Variants in UBE2E1 observed in about 807,000 individuals in gnomAD.
UBE2E1 encodes ubiquitin conjugating enzyme E2 E1, also known as ubiquitin-conjugating enzyme E2 E1.
Under a neutral mutation model 21.4 loss-of-function variants are expected in UBE2E1, and 6 were observed. The observed-to-expected ratio is 0.28, with a 90% CI of 0.15 to 0.55. The LOEUF is 0.55. UBE2E1 is among the 20% of genes least tolerant of loss of function. The probability of loss-of-function intolerance (pLI) is 0.93; values close to 1 mark genes in which losing one functional copy is unlikely to be tolerated. For missense variants in UBE2E1, 142 were observed against 236.5 expected (o/e 0.60, Z 2.62); for synonymous variants, 87 against 82.7 (o/e 1.05, Z -0.28).
rs3214837 is a variant in UBE2E1 at position 23,807,432 on chromosome 3, C to CT, written c.152+21dup. ...CACCAGCGCCAAGAGGTACTGTGCT[C>CT]TTTTTTTTTTCCACAGGCTTCCTAT... On this transcript the variant is annotated intron_variant, in intron 2 of 5. Coordinates refer to ENST00000306627, the MANE Select transcript of UBE2E1 (RefSeq NM_003341.5). The CT allele has an allele frequency of 7.7e-3, 10,123 of 1,322,116 alleles. 12 individuals carry two copies. The highest frequency in any genetic ancestry group is 0.028 in the African/African-American group (1,875 of 66,682). The allele number at this position is 1,322,116 out of a possible 1,614,324, so 81.9% of individuals were successfully genotyped here.
rs1170090201 is a variant in UBE2E1, at chr3:23,806,601, A to T, written c.-34+513A>T. The stretch of plus-strand genomic sequence containing the variant: ...CCCGCCCGGCCGCATAGCTGTGAGC[A>T]GGGCGGCCAGAGGCAGGCAGGCCGG... On this transcript the variant is annotated intron_variant, in intron 1 of 5. Transcript: ENST00000306627. This position sits in a 1 kb window ranked among gnomAD's most constrained non-coding sequence, Gnocchi z 6.5. 1.3e-5 allele frequency among the ~76,000 whole-genome samples: 2 copies of T among 148,426 alleles called. No individual in the cohort carries two copies. Among genetic ancestry groups the T allele is most frequent in the Non-Finnish European group, 1.5e-5 (1 of 67,060 alleles).
rs897756304 is a variant in UBE2E1 at position 23,816,717 on chromosome 3, G to T, written c.203+5207G>T. On this transcript the variant is annotated intron_variant, in intron 3 of 5. Coordinates refer to ENST00000306627, the MANE Select transcript of UBE2E1 (RefSeq NM_003341.5). This position sits in a 1 kb window ranked among gnomAD's most constrained non-coding sequence, Gnocchi z 4.8. ...GCGAGGCTCCATCTCAAAAAAAAAG[G>T]TTATACTAAGTGAAATAAACTAGAA... is the stretch of plus-strand genomic sequence containing the variant. 4.6e-5 allele frequency among the ~76,000 whole-genome samples: 7 copies of T among 151,994 alleles called. No homozygotes were observed. Among genetic ancestry groups the T allele is most frequent in the African/African-American group, 1.7e-4 (7 of 41,390 alleles).
rs1701234936 is a variant in UBE2E1, at chr3:23,888,159, GA to G, written c.336+461del. 4.2e-5 allele frequency: 19 copies of G among 454,774 alleles called. 1 individual carries two copies. Among genetic ancestry groups the G allele is most frequent in the South Asian group, 3.0e-4 (19 of 64,314 alleles). 28.2% of individuals were successfully genotyped at this position (454,774 alleles called of 1,614,324 possible). ...GGCAGGTCAGGGGGCCAAACAACTA[GA>G]GAATCAGAATCTCTTCCCAAAGCTT... is the stretch of plus-strand genomic sequence containing the variant. On this transcript the variant is annotated intron_variant, in intron 4 of 5. Transcript: ENST00000306627.
chr3:23,858,615 C>T (rs998394029), intron 3 of UBE2E1, among the ~76,000 whole-genome samples: 2 of 152,078 alleles, frequency 1.3e-5, no homozygotes, highest in Non-Finnish European at 2.9e-5. Flanking sequence ...CCACTGCGCC[C>T]GGCCAGGAAC....
intron 4 of UBE2E1, among the ~76,000 whole-genome samples, chr3:23,888,465 A>G (rs1421786513): frequency 6.6e-6 from 1 of 152,230 alleles, no homozygotes; most frequent in Non-Finnish European, 1.5e-5. Flanking sequence ...TTTCACAAAT[A>G]AAAATTAAGA....
At chr3:23,869,238 G>C (rs1700724226) in intron 3 of UBE2E1, among the ~76,000 whole-genome samples, 1 of 151,690 alleles carries the variant, frequency 6.6e-6, no homozygotes, top group South Asian at 2.1e-4. Context: ...TTCCACTTTT[G>C]AGAACTGCCT....
At chr3:23,822,305 C>G (rs1699660968) in intron 3 of UBE2E1, among the ~76,000 whole-genome samples, 1 of 152,180 alleles carries the variant, frequency 6.6e-6, no homozygotes, top group East Asian at 1.9e-4. Context: ...GTTTGTATTA[C>G]TCTTCCTAGT....
rs917105545 is a variant in UBE2E1 at position 23,842,847 on chromosome 3, A to C, written c.203+31337A>C. ...TTCTGGAATAGATGTTCAAAAGATC[A>C]AATTTTCCATATCTCTGTAATCTAA... On this transcript the variant is annotated intron_variant, in intron 3 of 5. Coordinates refer to ENST00000306627, the MANE Select transcript of UBE2E1 (RefSeq NM_003341.5). This position sits in a 1 kb window ranked among gnomAD's most constrained non-coding sequence, Gnocchi z 4.6. Among the ~76,000 whole-genome samples the C allele has an allele frequency of 6.6e-6, 1 of 152,218 alleles. No individual in the cohort carries two copies.
chr3:23,888,741 T>A (rs1701263231), intron 4 of UBE2E1, among the ~76,000 whole-genome samples: 1 of 152,248 alleles, frequency 6.6e-6, no homozygotes, highest in Admixed American at 6.5e-5. Flanking sequence ...CTTCAGTTTT[T>A]AAGAGGTATT....
At position 23,823,936 on chromosome 3, in the gene UBE2E1, T is replaced by C. The variant is rs73822598; in HGVS notation, c.203+12426T>C. On this transcript the variant is annotated intron_variant, in intron 3 of 5. Coordinates refer to ENST00000306627, the MANE Select transcript of UBE2E1 (RefSeq NM_003341.5). This position sits in a 1 kb window ranked among gnomAD's most constrained non-coding sequence, Gnocchi z 4.2. ...GACTGGTAGCCCCCGAAAAGACATT[T>C]ATTTTTTGTAGCTTGGTATTCTGAG... Among the ~76,000 whole-genome samples the C allele has an allele frequency of 0.015, 2,353 of 152,342 alleles. 69 individuals carry two copies. Among genetic ancestry groups the C allele is most frequent in the African/African-American group, 0.054 (2,249 of 41,578 alleles).
intron 3 of UBE2E1, among the ~76,000 whole-genome samples, chr3:23,851,543 A>G (rs1297355200): frequency 1.3e-5 from 2 of 152,128 alleles, no homozygotes; most frequent in Non-Finnish European, 2.9e-5. Context: ...GCTCATGCCT[A>G]CTATATTCCC....
At chr3:23,814,318 CATAAA>C (rs1282093658) in intron 3 of UBE2E1, among the ~76,000 whole-genome samples, 2 of 152,162 alleles carry the variant, frequency 1.3e-5, no homozygotes, top group Admixed American at 1.3e-4. Context: ...TGTATGAAAA[CATAAA>C]ATTAAATTCT....
intron 3 of UBE2E1, among the ~76,000 whole-genome samples, chr3:23,834,718 G>A (rs924261832): frequency 6.6e-6 from 1 of 152,026 alleles, no homozygotes; most frequent in Admixed American, 6.5e-5. Context: ...GACAGAGCGA[G>A]ACCCCGTCTC....
In UBE2E1 at chr3:23,836,591, A is replaced by C. The variant is rs1434890065; in HGVS notation, c.203+25081A>C. 3.9e-5 allele frequency among the ~76,000 whole-genome samples: 6 copies of C among 152,214 alleles called. No homozygotes were observed. Among genetic ancestry groups the C allele is most frequent in the Non-Finnish European group, 7.4e-5 (5 of 68,026 alleles). On this transcript the variant is annotated intron_variant, in intron 3 of 5. Coordinates refer to ENST00000306627, the MANE Select transcript of UBE2E1 (RefSeq NM_003341.5). This position sits in a 1 kb window ranked among gnomAD's most constrained non-coding sequence, Gnocchi z 4.1. Reference sequence around the variant, plus strand: ...GACATTGGCTTTTCTTGGAAGTTTTAGAGCTGAAAGGGAACTTAGATCTAG... The same window carrying C: ...GACATTGGCTTTTCTTGGAAGTTTTCGAGCTGAAAGGGAACTTAGATCTAG...
chr3:23,884,750 C>CTTGGAA, intron 3 of UBE2E1, among the ~76,000 whole-genome samples: 1 of 152,124 alleles, frequency 6.6e-6, no homozygotes, highest in African/African-American at 2.4e-5. Flanking sequence ...TAGGAGGCAG[C>CTTGGAA]TTGGAATATT....
chr3:23,814,561 T>C (rs1397150938), intron 3 of UBE2E1, among the ~76,000 whole-genome samples: 2 of 152,216 alleles, frequency 1.3e-5, no homozygotes, highest in African/African-American at 4.8e-5. Flanking sequence ...GTTAGGCTTT[T>C]ATTCCCATAT....
Position 23,870,020 on chromosome 3 carries a change from C to T in UBE2E1, c.204-17547C>T, listed in dbSNP as rs757777268. Among the ~76,000 whole-genome samples the T allele has an allele frequency of 6.6e-6, 1 of 152,168 alleles. No individual in the cohort carries two copies. The highest frequency in any genetic ancestry group is 1.5e-5 in the Non-Finnish European group (1 of 68,032). On this transcript the variant is annotated intron_variant, in intron 3 of 5. Transcript: ENST00000306627. This position sits in a 1 kb window ranked among gnomAD's most constrained non-coding sequence, Gnocchi z 4.2. Reference sequence around the variant, plus strand: ...TGGTTCCTACTGAAGCTTTCTAATGCAGTTACAGGGGCTAGGACTGGAGTC... The same window carrying T: ...TGGTTCCTACTGAAGCTTTCTAATGTAGTTACAGGGGCTAGGACTGGAGTC...
rs768414328 is a variant in UBE2E1 at position 23,845,583 on chromosome 3, C to CTGTG, written c.203+34074_203+34075insGTGT. 5.2e-3 allele frequency among the ~76,000 whole-genome samples: 252 copies of CTGTG among 48,870 alleles called. 1 individual carries two copies. Among genetic ancestry groups the CTGTG allele is most frequent in the African/African-American group, 0.015 (232 of 15,796 alleles). The allele number at this position is 48,870 out of a possible 152,430, so 32.1% of individuals were successfully genotyped here. A position where few individuals can be genotyped will look rare whatever the true frequency, so the allele number is the denominator to read the frequency against. ...GGTTTCTCTCTCTCTCTCTCTCTCT[C>CTGTG]TCTCTCTGTGTGTGTGTGTGTGTGT... On this transcript the variant is annotated intron_variant, in intron 3 of 5. Coordinates refer to ENST00000306627, the MANE Select transcript of UBE2E1 (RefSeq NM_003341.5).
chr3:23,806,853 G>T lies in UBE2E1; in HGVS notation c.-33-384G>T. 6.4e-6 allele frequency: 1 copy of T among 156,132 alleles called. No homozygotes were observed. The highest frequency in any genetic ancestry group is 1.4e-5 in the Non-Finnish European group (1 of 71,004). The allele number at this position is 156,132 out of a possible 1,614,324, so 9.7% of individuals were successfully genotyped here. A position where few individuals can be genotyped will look rare whatever the true frequency, so the allele number is the denominator to read the frequency against. ...CGGCCCCTCACGACCCCCGGAAAGC[G>T]GACAAAAACAGCCCCGAGGCCGGCC... On this transcript the variant is annotated intron_variant, in intron 1 of 5. Transcript: ENST00000306627. This position sits in a 1 kb window ranked among gnomAD's most constrained non-coding sequence, Gnocchi z 6.5.
Sources: allele counts gnomAD v4.1 joint callset (sites outside exome capture counted in the v4.1 genomes callset), GRCh38; gene constraint gnomAD v4.1.1; non-coding constraint Gnocchi (gnomAD v3.1); transcripts MANE v1.5; gene names NCBI Gene and HGNC (gene_info 2026-07-23, HGNC 2026-07-21).